The following BMPR1B variants were observed in gnomAD, a reference collection of about 807,000 sequenced individuals.
The protein encoded by BMPR1B is bone morphogenetic protein receptor type-1B.
In BMPR1B, 12 loss-of-function variants were observed where a neutral mutation model predicts 59.1. The ratio of observed to expected loss-of-function variants is 0.20; its 90% CI spans 0.13 to 0.33. BMPR1B has a LOEUF of 0.33. Ranked by LOEUF, BMPR1B falls within the 10% of genes least tolerant of loss-of-function variation. The probability of loss-of-function intolerance (pLI) is 1.00; values close to 1 mark genes in which losing one functional copy is unlikely to be tolerated. For synonymous variants in BMPR1B, 237 were observed against 207.3 expected, an observed-to-expected ratio of 1.14 and a Z score of -1.23; for missense variants, 550 against 610.9, an observed-to-expected ratio of 0.90 and a Z score of 1.05.
At chr4:94,810,430 A>G (rs1364578862) in intron 1 of BMPR1B, among the ~76,000 whole-genome samples, 3 of 152,148 alleles carry the variant, frequency 2.0e-5, no homozygotes, top group Non-Finnish European at 4.4e-5. Context: ...GTATATAATG[A>G]TTTTCTGGAA....
chr4:94,918,067 G>A (rs1368515224), intron 2 of BMPR1B, among the ~76,000 whole-genome samples: 1 of 152,018 alleles, frequency 6.6e-6, no homozygotes, highest in African/African-American at 2.4e-5. Context: ...CTCCCTAGAA[G>A]CCTTTCAGAT....
At chr4:95,091,222 C>G (rs1729955127) in intron 3 of BMPR1B, among the ~76,000 whole-genome samples, 1 of 151,952 alleles carries the variant, frequency 6.6e-6, no homozygotes, top group Non-Finnish European at 1.5e-5. Flanking sequence ...TGGTCAGTGA[C>G]ATTTTTTTCA....
At chr4:94,987,084 T>G (rs1476331672) in intron 2 of BMPR1B, among the ~76,000 whole-genome samples, 2 of 142,472 alleles carry the variant, frequency 1.4e-5, no homozygotes, top group African/African-American at 2.6e-5. Context: ...TTATGTTATA[T>G]ATGTATTATA....
chr4:95,026,585 A>T (rs1302084644), intron 3 of BMPR1B, among the ~76,000 whole-genome samples: 2 of 152,114 alleles, frequency 1.3e-5, no homozygotes, highest in Non-Finnish European at 2.9e-5. Context: ...GGTAATTATG[A>T]GGATTAGCCC....
At chr4:94,810,948 G>T (rs1437158519) in intron 1 of BMPR1B, among the ~76,000 whole-genome samples, 1 of 152,098 alleles carries the variant, frequency 6.6e-6, no homozygotes, top group Non-Finnish European at 1.5e-5. Context: ...GTGTTAGATT[G>T]GGTAGAAAAT....
At chr4:94,806,657 T>A (rs892769457) in intron 1 of BMPR1B, among the ~76,000 whole-genome samples, 1 of 152,228 alleles carries the variant, frequency 6.6e-6, no homozygotes, top group Non-Finnish European at 1.5e-5. Context: ...GAGTCAATTC[T>A]GCTCTCAGTG....
At chr4:94,787,124 G>A (rs1017036818) in intron 1 of BMPR1B, among the ~76,000 whole-genome samples, 8 of 152,158 alleles carry the variant, frequency 5.3e-5, no homozygotes, top group African/African-American at 1.9e-4. Flanking sequence ...ACCAGTTGCC[G>A]CCTAGTCTGA....
intron 3 of BMPR1B, among the ~76,000 whole-genome samples, chr4:95,004,133 G>A (rs774507041): frequency 3.3e-5 from 5 of 152,162 alleles, no homozygotes; most frequent in African/African-American, 9.7e-5. Context: ...GTTTGTGTAC[G>A]TGTGGGGGAG....
intron 3 of BMPR1B, among the ~76,000 whole-genome samples, chr4:95,045,708 G>A (rs929672923): frequency 6.6e-6 from 1 of 152,068 alleles, no homozygotes; most frequent in Non-Finnish European, 1.5e-5. Context: ...TGTTTCCTCA[G>A]CATAGCAGGC....
At chr4:95,000,121 A>G (rs1722336454) in intron 3 of BMPR1B, among the ~76,000 whole-genome samples, 1 of 152,168 alleles carries the variant, frequency 6.6e-6, no homozygotes, top group Non-Finnish European at 1.5e-5. Flanking sequence ...GGAGTGACTT[A>G]TAGTTTTCTT....
Position 94,808,827 on chromosome 4 carries a change from C to T in BMPR1B, c.-183+50759C>T, listed in dbSNP as rs149702557. Among the ~76,000 whole-genome samples the T allele has an allele frequency of 8.6e-3, 1,311 of 152,194 alleles. 8 individuals carry two copies. Among genetic ancestry groups the T allele is most frequent in the African/African-American group, 0.02 (810 of 41,524 alleles). On this transcript the variant is annotated intron_variant, in intron 1 of 12. Coordinates refer to ENST00000515059, the MANE Select transcript of BMPR1B (RefSeq NM_001203.3). Reference sequence around the variant, plus strand: ...ATCCCAGCACTTTGGGAGGCCAAGGCGGGCGGATCACAAAGTCAGGAGTTT... The same window carrying T: ...ATCCCAGCACTTTGGGAGGCCAAGGTGGGCGGATCACAAAGTCAGGAGTTT...
chr4:95,037,872 G>C (rs559401381), intron 3 of BMPR1B, among the ~76,000 whole-genome samples: 18 of 152,110 alleles, frequency 1.2e-4, no homozygotes, highest in Non-Finnish European at 2.4e-4. Context: ...AGTATTGGGG[G>C]AACGTAAGTG....
At chr4:94,784,472 T>A (rs1722694364) in intron 1 of BMPR1B, among the ~76,000 whole-genome samples, 1 of 152,226 alleles carries the variant, frequency 6.6e-6, no homozygotes, top group East Asian at 1.9e-4. Flanking sequence ...TTGAATAGTT[T>A]TTCAAAATTA....
chr4:94,770,182 G>GTTTTTTT (rs1215939344), intron 1 of BMPR1B, among the ~76,000 whole-genome samples: 667 of 39,482 alleles, frequency 0.017, 66 homozygotes, highest in Middle Eastern at 0.034. Context: ...TCGTTTCTGT[G>GTTTTTTT]TTTGTTTTTT....
intron 1 of BMPR1B, among the ~76,000 whole-genome samples, chr4:94,870,486 A>G (rs1726444108): frequency 6.6e-6 from 1 of 151,960 alleles, no homozygotes; most frequent in Non-Finnish European, 1.5e-5. Context: ...AGAAACTGTC[A>G]GCTCTAAGTT....
At chr4:94,963,927 T>C (rs571594791) in intron 2 of BMPR1B, among the ~76,000 whole-genome samples, 1 of 152,174 alleles carries the variant, frequency 6.6e-6, no homozygotes, top group African/African-American at 2.4e-5. Context: ...TTGGGTAGTA[T>C]GTACATTTTA....
At chr4:95,009,722 T>C (rs1578920861) in intron 3 of BMPR1B, among the ~76,000 whole-genome samples, 1 of 152,086 alleles carries the variant, frequency 6.6e-6, no homozygotes, top group African/African-American at 2.4e-5. Flanking sequence ...CCCTTCATAG[T>C]TTGGTAAGTG....
chr4:94,901,605 G>A (rs184039364), intron 2 of BMPR1B, among the ~76,000 whole-genome samples: 15 of 152,048 alleles, frequency 9.9e-5, no homozygotes, highest in African/African-American at 3.1e-4. Context: ...CAGTTCAAAA[G>A]CTTGTCTATA....
At chr4:94,987,260 A>T (rs1420294652) in intron 2 of BMPR1B, among the ~76,000 whole-genome samples, 1 of 146,524 alleles carries the variant, frequency 6.8e-6, no homozygotes, top group Non-Finnish European at 1.5e-5. Context: ...TATAAAATAT[A>T]TATTATATAT....
Sources: allele counts gnomAD v4.1 joint callset (sites outside exome capture counted in the v4.1 genomes callset), GRCh38; gene constraint gnomAD v4.1.1; transcripts MANE v1.5; gene names NCBI Gene and HGNC (gene_info 2026-07-23, HGNC 2026-07-21).